Variants in CHODL observed in about 807,000 individuals in gnomAD.
The protein encoded by CHODL is chondrolectin.
A neutral mutation model predicts 34.5 loss-of-function variants in CHODL; 29 were observed. The ratio of observed to expected loss-of-function variants is 0.84; its 90% CI spans 0.63 to 1.15. The LOEUF (loss-of-function observed/expected upper bound fraction) is 1.15. CHODL is among the 50% of genes most tolerant of loss of function. The probability of loss-of-function intolerance (pLI) is 0.00; values close to 1 mark genes in which losing one functional copy is unlikely to be tolerated. For missense variants in CHODL, 332 were observed against 332.5 expected (o/e 1.00, Z 0.01); for synonymous variants, 125 against 116.1 (o/e 1.08, Z -0.49).
chr21:18,020,442 A>G (rs901327464), intron 1 of CHODL, among the ~76,000 whole-genome samples: 4 of 152,324 alleles, frequency 2.6e-5, no homozygotes, highest in Non-Finnish European at 4.4e-5. Context: ...AGCATAGTCT[A>G]TTTGAACCAC....
chr21:17,922,746 T>C (rs2063192341), intron 1 of CHODL, among the ~76,000 whole-genome samples: 1 of 152,186 alleles, frequency 6.6e-6, no homozygotes, highest in Non-Finnish European at 1.5e-5. Context: ...CACTGAGATG[T>C]AGCTCCTAAA....
At position 18,002,011 on chromosome 21, in the gene CHODL, C is replaced by T. The variant is rs376502721; in HGVS notation, c.-144-25861C>T. On this transcript the variant is annotated intron_variant, in intron 1 of 6. Coordinates refer to the CHODL transcript ENST00000400127. ...TTCTAAACTGGGCCACATATCTAAT[C>T]AGCTGTTTATTGCTGCCCGTGTTTG... Among the ~76,000 whole-genome samples the T allele has an allele frequency of 3.9e-5, 6 of 152,246 alleles. 1 individual carries two copies. Among genetic ancestry groups the T allele is most frequent in the Admixed American group, 1.3e-4 (2 of 15,290 alleles).
intron 2 of CHODL, among the ~76,000 whole-genome samples, chr21:18,125,682 G>A (rs1369971316): frequency 3.3e-5 from 5 of 151,844 alleles, no homozygotes; most frequent in Admixed American, 2.6e-4. Flanking sequence ...TGCAACCTCC[G>A]CCTCACGGGT....
At chr21:18,032,250 T>C (rs1276496783) in intron 2 of CHODL, among the ~76,000 whole-genome samples, 1 of 152,044 alleles carries the variant, frequency 6.6e-6, no homozygotes, top group African/African-American at 2.4e-5. Context: ...GTGTATGAAA[T>C]AATGCATATT....
chr21:18,046,886 C>T (rs1318104463), intron 2 of CHODL, among the ~76,000 whole-genome samples: 3 of 151,878 alleles, frequency 2.0e-5, no homozygotes, highest in Non-Finnish European at 4.4e-5. Context: ...GACTAATGGC[C>T]TTTGTGGGCA....
At chr21:18,189,066 A>G (rs1445307027) in intron 2 of CHODL, among the ~76,000 whole-genome samples, 1 of 152,198 alleles carries the variant, frequency 6.6e-6, no homozygotes, top group Non-Finnish European at 1.5e-5. Context: ...GTTTGTTGTC[A>G]GGCATACAAG....
At chr21:18,169,963 GTGT>G (rs1374835910) in intron 2 of CHODL, among the ~76,000 whole-genome samples, 1 of 151,826 alleles carries the variant, frequency 6.6e-6, no homozygotes, top group East Asian at 1.9e-4. Context: ...TTATTTTATG[GTGT>G]TGTTCGATTC....
At chr21:18,037,348 T>C (rs1327062039) in intron 2 of CHODL, among the ~76,000 whole-genome samples, 2 of 151,860 alleles carry the variant, frequency 1.3e-5, no homozygotes, top group African/African-American at 4.8e-5. Context: ...GTAGACAATG[T>C]AAATGGAGGA....
chr21:17,960,235 C>G (rs1868879491), intron 1 of CHODL, among the ~76,000 whole-genome samples: 1 of 152,172 alleles, frequency 6.6e-6, no homozygotes, highest in Non-Finnish European at 1.5e-5. Context: ...GGCAAGTTGA[C>G]AGAAACTCCA....
chr21:18,125,081 C>T (rs2065525732), intron 2 of CHODL, among the ~76,000 whole-genome samples: 1 of 152,206 alleles, frequency 6.6e-6, no homozygotes, highest in Admixed American at 6.5e-5. Flanking sequence ...TAATTTGCAG[C>T]TCCAACACTC....
At chr21:18,056,825 T>C (rs1475567834) in intron 2 of CHODL, among the ~76,000 whole-genome samples, 9 of 152,082 alleles carry the variant, frequency 5.9e-5, no homozygotes, top group Non-Finnish European at 1.0e-4. Flanking sequence ...AGGTATTTTA[T>C]AGTTTGTTTT....
chr21:18,004,641 C>T (rs1341634766), intron 1 of CHODL, among the ~76,000 whole-genome samples: 1 of 152,184 alleles, frequency 6.6e-6, no homozygotes, highest in African/African-American at 2.4e-5. Flanking sequence ...GCAGCTATGT[C>T]CCTGCCCCAT....
At chr21:17,944,496 A>C (rs1482580286) in intron 1 of CHODL, among the ~76,000 whole-genome samples, 2 of 152,212 alleles carry the variant, frequency 1.3e-5, no homozygotes, top group Non-Finnish European at 2.9e-5. Context: ...ACAGCGGGAC[A>C]ATCCCCAATT....
intron 2 of CHODL, among the ~76,000 whole-genome samples, chr21:18,090,333 G>A (rs908965008): frequency 2.0e-5 from 3 of 152,146 alleles, no homozygotes; most frequent in Non-Finnish European, 4.4e-5. Flanking sequence ...TCTGTGCCAA[G>A]GATGCCTATT....
chr21:18,111,736 C>T (rs1005271687), intron 2 of CHODL, among the ~76,000 whole-genome samples: 6 of 152,258 alleles, frequency 3.9e-5, no homozygotes, highest in Non-Finnish European at 5.9e-5. Flanking sequence ...CAACTTCAGT[C>T]GATTTCAAAC....
At chr21:18,104,271 G>C (rs967195885) in intron 2 of CHODL, among the ~76,000 whole-genome samples, 4 of 152,034 alleles carry the variant, frequency 2.6e-5, no homozygotes, top group African/African-American at 9.7e-5. Flanking sequence ...GAATCATGGG[G>C]GCAGTTTCCC....
At chr21:17,980,903 G>A (rs561442193) in intron 1 of CHODL, among the ~76,000 whole-genome samples, 16 of 152,304 alleles carry the variant, frequency 1.1e-4, no homozygotes, top group Non-Finnish European at 1.6e-4. Flanking sequence ...GGGCTCCAGT[G>A]TAGGCCAGAA....
At chr21:18,143,082 C>T (rs1037177075) in intron 2 of CHODL, among the ~76,000 whole-genome samples, 8 of 152,140 alleles carry the variant, frequency 5.3e-5, no homozygotes, top group African/African-American at 1.9e-4. Context: ...TATTTGTTTT[C>T]TCTTTCAGTG....
intron 2 of CHODL, among the ~76,000 whole-genome samples, chr21:18,045,918 A>G (rs1451846306): frequency 6.6e-6 from 1 of 151,908 alleles, no homozygotes; most frequent in African/African-American, 2.4e-5. Context: ...CAGACACTGA[A>G]CCTGCCAGTG....
Sources: gnomAD v4.1 joint callset for allele counts (sites outside exome capture counted in the v4.1 genomes callset) on GRCh38, gnomAD v4.1.1 for gene constraint, MANE v1.5 for transcripts, NCBI Gene and HGNC (gene_info 2026-07-23, HGNC 2026-07-21) for gene names.